Variants in WDR72 observed in about 807,000 individuals in gnomAD.
WDR72 encodes WD repeat-containing protein 72.
In WDR72, 120 loss-of-function variants were observed where a neutral mutation model predicts 124.2. The observed-to-expected ratio is 0.97, with a 90% CI of 0.83 to 1.12. WDR72 has a LOEUF of 1.12. Among genes scored for constraint, WDR72 ranks in the 50% most tolerant of loss-of-function variants. The pLI is 0.00. For synonymous variants in WDR72, 452 were observed against 441.7 expected (o/e 1.02, Z -0.29); for missense variants, 1,387 against 1,278.8 (o/e 1.08, Z -1.29).
intron 14 of WDR72, among the ~76,000 whole-genome samples, chr15:53,645,736 A>T (rs1017657934): frequency 2.2e-4 from 34 of 152,292 alleles, no homozygotes; most frequent in African/African-American, 8.2e-4. Context: ...ATTTTTGCAT[A>T]TCTAAATATA....
rs576902917 is a variant in WDR72 at position 53,754,096 on chromosome 15, A to C, written c.-13+5537T>G. ...AACAAAACAAAACAAAACAAACACA[A>C]CTTAAATTCAACTACAGGGGTGGTT... On this transcript the variant is annotated intron_variant, in intron 1 of 19. Coordinates refer to ENST00000360509, the MANE Select transcript of WDR72 (RefSeq NM_182758.4). 1.2e-4 allele frequency among the ~76,000 whole-genome samples: 18 copies of C among 152,230 alleles called. No homozygotes were observed. In the South Asian group the frequency reaches 2.1e-3, roughly 18 times the overall value.
chr15:53,520,069 T>C (rs60582189), intron 19 of WDR72, among the ~76,000 whole-genome samples: 7,578 of 152,152 alleles, frequency 0.05, 420 homozygotes, highest in African/African-American at 0.14. Context: ...ACTTTTTCTG[T>C]GCTTCAATGT....
intron 2 of WDR72, among the ~76,000 whole-genome samples, chr15:53,726,264 G>GTA (rs34367324): frequency 0.026 from 2,853 of 110,278 alleles, 85 homozygotes; most frequent in African/African-American, 0.063. Context: ...ATGTATGTGT[G>GTA]TATATATATA....
intron 9 of WDR72, among the ~76,000 whole-genome samples, chr15:53,708,388 A>T (rs2017444095): frequency 6.6e-6 from 1 of 152,338 alleles, no homozygotes; most frequent in South Asian, 2.1e-4. Context: ...AGCACCCGCT[A>T]TATGGGATTG....
intron 18 of WDR72, among the ~76,000 whole-genome samples, chr15:53,571,882 T>C (rs1894541813): frequency 1.3e-5 from 2 of 152,006 alleles, no homozygotes; most frequent in Admixed American, 6.6e-5. Flanking sequence ...TTACCAACAC[T>C]TATCTTTCAT....
chr15:53,555,138 G>A (rs1893878202), intron 18 of WDR72, among the ~76,000 whole-genome samples: 1 of 151,940 alleles, frequency 6.6e-6, no homozygotes, highest in Non-Finnish European at 1.5e-5. Context: ...GAATAGCAGG[G>A]CTGGTACTTA....
intron 18 of WDR72, among the ~76,000 whole-genome samples, chr15:53,551,406 G>A (rs73406234): frequency 0.033 from 5,085 of 152,146 alleles, 210 homozygotes; most frequent in African/African-American, 0.1. Flanking sequence ...AATATGTCTT[G>A]GAAAGGAAAT....
At chr15:53,682,884 T>C (rs1198371501) in intron 13 of WDR72, among the ~76,000 whole-genome samples, 1 of 152,152 alleles carries the variant, frequency 6.6e-6, no homozygotes, top group Non-Finnish European at 1.5e-5. Flanking sequence ...CACACTGCTA[T>C]AAAGAAATAA....
At chr15:53,665,988 C>A (rs781088311) in intron 13 of WDR72, among the ~76,000 whole-genome samples, 1 of 152,154 alleles carries the variant, frequency 6.6e-6, no homozygotes, top group South Asian at 2.1e-4. Context: ...TTCCTCTTTG[C>A]GCTTCTTCAT....
chr15:53,608,992 A>G (rs1296274182), intron 17 of WDR72, among the ~76,000 whole-genome samples: 3 of 152,000 alleles, frequency 2.0e-5, no homozygotes, highest in African/African-American at 7.2e-5. Flanking sequence ...TAAGATAACT[A>G]AAAGTGTATA....
At chr15:53,740,307 AT>A (rs57166942) in intron 1 of WDR72, among the ~76,000 whole-genome samples, 44,809 of 132,204 alleles carry the variant, frequency 0.34, 6,395 homozygotes, top group African/African-American at 0.49. Flanking sequence ...GATTCAACTA[AT>A]TTTTTTTTTT....
At chr15:53,626,661 T>G (rs2014224459) in intron 14 of WDR72, among the ~76,000 whole-genome samples, 1 of 152,238 alleles carries the variant, frequency 6.6e-6, no homozygotes, top group African/African-American at 2.4e-5. Flanking sequence ...CGCTGTGCTC[T>G]CAGGCAACAG....
At chr15:53,545,866 C>T (rs1296222280) in intron 18 of WDR72, among the ~76,000 whole-genome samples, 1 of 126,360 alleles carries the variant, frequency 7.9e-6, no homozygotes, top group Non-Finnish European at 1.7e-5. Flanking sequence ...CATGAACAGA[C>T]ACTTCTCAAA....
intron 14 of WDR72, among the ~76,000 whole-genome samples, chr15:53,646,276 T>C (rs1207913284): frequency 6.6e-6 from 1 of 152,162 alleles, no homozygotes; most frequent in Non-Finnish European, 1.5e-5. Context: ...GCTGGATTGT[T>C]TGAAATTTTT....
intron 1 of WDR72, among the ~76,000 whole-genome samples, chr15:53,735,571 ATAT>A (rs1286388285): frequency 6.6e-6 from 1 of 152,214 alleles, no homozygotes; most frequent in Non-Finnish European, 1.5e-5. Flanking sequence ...ATACACACAA[ATAT>A]TATGTGTGTC....
intron 13 of WDR72, among the ~76,000 whole-genome samples, chr15:53,695,156 C>CA (rs1157966288): frequency 2.6e-5 from 4 of 152,132 alleles, no homozygotes; most frequent in African/African-American, 2.4e-5. Flanking sequence ...TTGTCCCACA[C>CA]AAAAAAGTGC....
chr15:53,748,433 G>C (rs1197528214), intron 1 of WDR72, among the ~76,000 whole-genome samples: 1 of 152,038 alleles, frequency 6.6e-6, no homozygotes, highest in Non-Finnish European at 1.5e-5. Flanking sequence ...AAAATCATGA[G>C]GTTTAATGTA....
At chr15:53,544,001 A>T (rs1178706661) in intron 18 of WDR72, among the ~76,000 whole-genome samples, 6 of 151,560 alleles carry the variant, frequency 4.0e-5, no homozygotes, top group Admixed American at 1.3e-4. Flanking sequence ...ACAGGAGCTG[A>T]AATTGTGGCA....
intron 13 of WDR72, among the ~76,000 whole-genome samples, chr15:53,672,723 G>A (rs1256058057): frequency 6.6e-6 from 1 of 152,166 alleles, no homozygotes; most frequent in Non-Finnish European, 1.5e-5. Flanking sequence ...GGAGAAGAAA[G>A]AGCCATCACA....
Sources: gnomAD v4.1 joint callset for allele counts (sites outside exome capture counted in the v4.1 genomes callset) on GRCh38, gnomAD v4.1.1 for gene constraint, MANE v1.5 for transcripts, NCBI Gene and HGNC (gene_info 2026-07-23, HGNC 2026-07-21) for gene names.